POLN: variants seen among roughly 807,000 people sequenced by gnomAD.
The protein encoded by POLN is DNA polymerase nu, also known as DNA polymerase N.
POLN carries 108 observed loss-of-function variants against 113.5 expected under a neutral mutation model. That is an observed-to-expected ratio of 0.95 (90% CI 0.81 to 1.12). The LOEUF is 1.12. POLN is among the 50% of genes most tolerant of loss of function. POLN has a pLI of 0.00. For missense variants in POLN, 1,097 were observed against 1,077.1 expected (o/e 1.02, Z -0.26); for synonymous variants, 386 against 391.5 (o/e 0.99, Z 0.17).
chr4:2,077,432 C>T (rs1012719080), intron 23 of POLN, among the ~76,000 whole-genome samples: 5 of 152,164 alleles, frequency 3.3e-5, no homozygotes, highest in Admixed American at 6.5e-5. Context: ...CTCACACCCT[C>T]GAGCAGGCTG....
chr4:2,225,763 G>A (rs938629924), intron 3 of POLN, among the ~76,000 whole-genome samples: 6 of 152,040 alleles, frequency 3.9e-5, no homozygotes, highest in African/African-American at 1.4e-4. Flanking sequence ...CACTTTCAGA[G>A]GCTGAGGCAG....
At chr4:2,081,440 A>T in intron 22 of POLN, 193 bp downstream of exon 22, 7 of 641,590 alleles carry the variant, frequency 1.1e-5, no homozygotes, top group Non-Finnish European at 1.6e-5. Flanking sequence ...CCTAGCTACA[A>T]AGATGACCGT....
At chr4:2,173,726 G>C (rs1321127354) in intron 11 of POLN, among the ~76,000 whole-genome samples, 1 of 152,048 alleles carries the variant, frequency 6.6e-6, no homozygotes, top group African/African-American at 2.4e-5. Context: ...TTTTGAGGAG[G>C]ATCCTGAGGA....
At chr4:2,171,071 T>C in intron 12 of POLN, 27 bp downstream of exon 12, 1 of 1,574,634 alleles carries the variant, frequency 6.4e-7, no homozygotes, top group Non-Finnish European at 8.7e-7. Context: ...AAATACATTT[T>C]ATGAAAGAAC....
chr4:2,160,219 A>G (rs763571906), intron 13 of POLN, among the ~76,000 whole-genome samples: 14 of 152,294 alleles, frequency 9.2e-5, no homozygotes, highest in Non-Finnish European at 1.8e-4. Flanking sequence ...GCTGTTGGAC[A>G]CTATTCATAT....
At chr4:2,241,021 G>GA (rs878959596) in intron 2 of POLN, 11 of 1,106,930 alleles carry the variant, frequency 9.9e-6, no homozygotes, top group South Asian at 2.8e-5. Flanking sequence ...AATCCAAGCA[G>GA]AAAAAAAGCT....
At chr4:2,112,256 C>A (rs1286439457) in intron 19 of POLN, among the ~76,000 whole-genome samples, 5 of 151,930 alleles carry the variant, frequency 3.3e-5, no homozygotes, top group East Asian at 1.9e-4. Context: ...TAAAGACTTA[C>A]ATGTTAGACC....
intron 6 of POLN, among the ~76,000 whole-genome samples, chr4:2,197,363 G>A (rs2108758870): frequency 6.6e-6 from 1 of 152,334 alleles, no homozygotes. Flanking sequence ...TGAAGGCAGA[G>A]CCAATAGGAC....
intron 7 of POLN, among the ~76,000 whole-genome samples, chr4:2,185,785 G>A (rs1733258075): frequency 6.6e-6 from 1 of 151,996 alleles, no homozygotes; most frequent in African/African-American, 2.4e-5. Flanking sequence ...CAAGTTACGG[G>A]CTTTGGGCCC....
intron 13 of POLN, 77 bp downstream of exon 13, chr4:2,170,602 G>A: frequency 1.6e-6 from 2 of 1,239,172 alleles, no homozygotes; most frequent in Non-Finnish European, 2.3e-6. Context: ...AGTCTCGGGT[G>A]GGTCTGAAGG....
chr4:2,091,196 G>A (rs557196220), intron 20 of POLN, among the ~76,000 whole-genome samples: 22 of 152,282 alleles, frequency 1.4e-4, no homozygotes, highest in South Asian at 8.3e-4. Flanking sequence ...CCTGTGTGAG[G>A]GCTGCTCCAA....
rs34906364 is a variant in POLN, at chr4:2,226,149, A to AG, written c.133+2949dup. On this transcript the variant is annotated intron_variant, in intron 3 of 25. Coordinates refer to ENST00000511885, the MANE Select transcript of POLN (RefSeq NM_181808.4). ...CTGTTATCATTTGCAGGGTTGGAGA[A>AG]GAATCATTTCAGCTCCAACCGATGG... Among the ~76,000 whole-genome samples the AG allele has an allele frequency of 2.8e-3, 421 of 152,284 alleles. 9 individuals are homozygous for AG. Among genetic ancestry groups the AG allele is most frequent in the Admixed American group, 0.024 (368 of 15,282 alleles).
intron 19 of POLN, among the ~76,000 whole-genome samples, chr4:2,113,859 AAATAATAATAATAATAATAATAAT>A (rs150255371): frequency 7.1e-6 from 1 of 140,038 alleles, no homozygotes; most frequent in African/African-American, 2.6e-5. Context: ...CTCCATTTCA[AAATAATAATAATAATAATAATAAT>A]AATAATAATA....
At chr4:2,135,479 G>A (rs1182498142) in intron 16 of POLN, among the ~76,000 whole-genome samples, 1 of 152,168 alleles carries the variant, frequency 6.6e-6, no homozygotes, top group African/African-American at 2.4e-5. Context: ...AAACACTGCT[G>A]CGCTTCTCTA....
At chr4:2,203,595 AT>A (rs1733770989) in intron 5 of POLN, among the ~76,000 whole-genome samples, 1 of 151,564 alleles carries the variant, frequency 6.6e-6, no homozygotes, top group East Asian at 1.9e-4. Context: ...AAAAAAAAAA[AT>A]CTTCAAACTG....
rs1024772503 is a variant in POLN at position 2,214,097 on chromosome 4, G to A, written c.134-971C>T. On this transcript the variant is annotated intron_variant, in intron 3 of 25. Transcript: ENST00000511885. ...CTAAAAATACAAAAATTAGCCAGGT[G>A]TGGTGGCAAGCACCTGCAATCCCAT... Among the ~76,000 whole-genome samples, 105 of 152,096 alleles carry A rather than the reference G, an allele frequency of 6.9e-4. 2 individuals are homozygous for A. The highest frequency in any genetic ancestry group is 4.0e-4 in the Non-Finnish European group (27 of 68,026).
intron 16 of POLN, among the ~76,000 whole-genome samples, chr4:2,149,711 G>A (rs1216060194): frequency 2.6e-5 from 4 of 152,116 alleles, no homozygotes; most frequent in East Asian, 1.9e-4. Flanking sequence ...ACTTGAGCCC[G>A]GGAGTTGGAG....
Position 2,165,783 on chromosome 4 carries a change from C to CT in POLN, c.1554+4895dup, listed in dbSNP as rs567412240. Among the ~76,000 whole-genome samples, 183 of 146,896 alleles carry CT rather than the reference C, an allele frequency of 1.2e-3. 4 individuals are homozygous for CT. In the South Asian group the frequency reaches 0.019, roughly 15 times the overall value. On this transcript the variant is annotated intron_variant, in intron 13 of 25. Transcript: ENST00000511885. ...TGTGAACCTAAAACTAAAAAATAGT[C>CT]TTTTTTTTTTTGAGACAGTGTCTCA...
intron 2 of POLN, 52 bp from the exon 3 acceptor site, chr4:2,229,295 T>C (rs940366506): frequency 7.3e-7 from 1 of 1,370,526 alleles, no homozygotes; most frequent in Non-Finnish European, 9.8e-7. Context: ...CCTAAGACTA[T>C]AAAACAGGAA....
Sources: gnomAD v4.1 joint callset for allele counts (sites outside exome capture counted in the v4.1 genomes callset) on GRCh38, gnomAD v4.1.1 for gene constraint, MANE v1.5 for transcripts, NCBI Gene and HGNC (gene_info 2026-07-23, HGNC 2026-07-21) for gene names.